The following TNFRSF19 variants were observed in gnomAD, a reference collection of about 807,000 sequenced individuals.
TNFRSF19 encodes the protein tumor necrosis factor receptor superfamily member 19.
In TNFRSF19, 27 loss-of-function variants were observed where a neutral mutation model predicts 46.4. That is an observed-to-expected ratio of 0.58 (90% confidence interval 0.43 to 0.80). The LOEUF is 0.80. Among genes scored for constraint, TNFRSF19 ranks in the 30% least tolerant of loss-of-function variants. TNFRSF19 has a pLI of 0.00. For synonymous variants in TNFRSF19, 204 were observed against 205.0 expected (o/e 1.00, Z 0.04); for missense variants, 511 against 530.8 (o/e 0.96, Z 0.37).
intron 5 of TNFRSF19, among the ~76,000 whole-genome samples, chr13:23,646,779 C>G (rs899994110): frequency 3.7e-4 from 57 of 152,244 alleles, no homozygotes; most frequent in African/African-American, 1.4e-3. Flanking sequence ...TTTTCCATTC[C>G]TTGGGGTATA....
At chr13:23,655,097 C>A (rs1028696624) in intron 5 of TNFRSF19, among the ~76,000 whole-genome samples, 1 of 152,290 alleles carries the variant, frequency 6.6e-6, no homozygotes, top group African/African-American at 2.4e-5. Flanking sequence ...TTGGTCTACT[C>A]CAAAGAAGTT....
chr13:23,664,145 T>C (rs1171071891), intron 7 of TNFRSF19, among the ~76,000 whole-genome samples: 1 of 152,242 alleles, frequency 6.6e-6, no homozygotes, highest in Non-Finnish European at 1.5e-5. Flanking sequence ...TTTAGTGCTA[T>C]GAATTCCCTC....
chr13:23,638,931 T>C (rs1882870748), intron 5 of TNFRSF19, among the ~76,000 whole-genome samples: 1 of 152,184 alleles, frequency 6.6e-6, no homozygotes, highest in African/African-American at 2.4e-5. Context: ...CACATGCACA[T>C]CATAGAGTGG....
At chr13:23,658,985 G>C in intron 5 of TNFRSF19, 65 bp from the exon 6 acceptor site, 1 of 1,605,338 alleles carries the variant, frequency 6.2e-7, no homozygotes, top group Non-Finnish European at 8.5e-7. Context: ...GTGCCTGCCA[G>C]CTTCGCCATA....
chr13:23,638,259 T>C (rs949582166), intron 5 of TNFRSF19, among the ~76,000 whole-genome samples: 2 of 152,162 alleles, frequency 1.3e-5, no homozygotes, highest in Admixed American at 6.5e-5. Flanking sequence ...GTAGGTAATC[T>C]GCTGCCATTG....
intron 5 of TNFRSF19, among the ~76,000 whole-genome samples, chr13:23,648,337 C>T (rs962075759): frequency 2.0e-5 from 3 of 151,962 alleles, no homozygotes; most frequent in Non-Finnish European, 2.9e-5. Flanking sequence ...ATATTTTAGT[C>T]TTTTTGATAT....
chr13:23,587,532 A>C (rs1219745637), intron 1 of TNFRSF19, among the ~76,000 whole-genome samples: 3 of 151,870 alleles, frequency 2.0e-5, no homozygotes, highest in Non-Finnish European at 4.4e-5. Context: ...TTGTTGAATA[A>C]ATAAATACAT....
At chr13:23,606,185 C>A (rs984502322) in intron 3 of TNFRSF19, among the ~76,000 whole-genome samples, 12 of 152,136 alleles carry the variant, frequency 7.9e-5, no homozygotes, top group Admixed American at 7.9e-4. Flanking sequence ...TGCTGTATTT[C>A]ATATTCCCAT....
intron 5 of TNFRSF19, among the ~76,000 whole-genome samples, chr13:23,644,354 C>T (rs1335214071): frequency 1.3e-5 from 2 of 152,128 alleles, no homozygotes; most frequent in South Asian, 2.1e-4. Flanking sequence ...TCCTTCATCC[C>T]GTTCTCATGA....
chr13:23,637,933 G>C (rs900548175), intron 5 of TNFRSF19, among the ~76,000 whole-genome samples: 1 of 152,254 alleles, frequency 6.6e-6, no homozygotes, highest in African/African-American at 2.4e-5. Context: ...CACTCAAAGG[G>C]TTAAGGAGAG....
intron 5 of TNFRSF19, among the ~76,000 whole-genome samples, chr13:23,656,494 A>G (rs1964161): frequency 0.23 from 34,962 of 152,168 alleles, 4,798 homozygotes; most frequent in Non-Finnish European, 0.31. Flanking sequence ...TACTACTTTA[A>G]CCCAAAATCC....
intron 7 of TNFRSF19, among the ~76,000 whole-genome samples, chr13:23,661,664 G>GTTA (rs1331551948): frequency 6.6e-6 from 1 of 152,190 alleles, no homozygotes; most frequent in Non-Finnish European, 1.5e-5. Flanking sequence ...CACCAACAGT[G>GTTA]TGTAAGCATT....
intron 1 of TNFRSF19, among the ~76,000 whole-genome samples, chr13:23,571,165 A>G (rs1267146900): frequency 6.6e-6 from 1 of 152,220 alleles, no homozygotes; most frequent in Non-Finnish European, 1.5e-5. Flanking sequence ...AACCCCTGAG[A>G]TCTGTGAGCT....
intron 5 of TNFRSF19, among the ~76,000 whole-genome samples, chr13:23,644,216 G>A (rs2138345393): frequency 6.6e-6 from 1 of 152,290 alleles, no homozygotes; most frequent in African/African-American, 2.4e-5. Context: ...AGCTGTACTG[G>A]TTTTGATGTG....
At chr13:23,636,607 T>C (rs1882700865) in intron 5 of TNFRSF19, among the ~76,000 whole-genome samples, 1 of 152,094 alleles carries the variant, frequency 6.6e-6, no homozygotes, top group South Asian at 2.1e-4. Context: ...TTATTTACAA[T>C]AAGGTGCTGA....
intron 4 of TNFRSF19, among the ~76,000 whole-genome samples, chr13:23,625,043 C>T (rs1013958963): frequency 4.6e-5 from 7 of 152,062 alleles, no homozygotes; most frequent in Non-Finnish European, 1.0e-4. Context: ...TGAGTCACTG[C>T]GCCTGGCCAC....
At chr13:23,625,821 C>T (rs566876367) in intron 4 of TNFRSF19, among the ~76,000 whole-genome samples, 2 of 152,238 alleles carry the variant, frequency 1.3e-5, no homozygotes, top group South Asian at 4.1e-4. Context: ...TACACTCACA[C>T]CAGCACTTGA....
intron 3 of TNFRSF19, among the ~76,000 whole-genome samples, chr13:23,595,894 G>A (rs1222074336): frequency 1.3e-5 from 2 of 152,148 alleles, no homozygotes; most frequent in Non-Finnish European, 2.9e-5. Flanking sequence ...GAAACCCATC[G>A]GACTAACAGT....
At chr13:23,643,187 G>A (rs1202094948) in intron 5 of TNFRSF19, among the ~76,000 whole-genome samples, 2 of 152,206 alleles carry the variant, frequency 1.3e-5, no homozygotes, top group Admixed American at 6.5e-5. Context: ...TTTTCCAAGA[G>A]CAGAGATAAA....
Sources: gnomAD v4.1 joint callset for allele counts (sites outside exome capture counted in the v4.1 genomes callset) on GRCh38, gnomAD v4.1.1 for gene constraint, MANE v1.5 for transcripts, NCBI Gene and HGNC (gene_info 2026-07-23, HGNC 2026-07-21) for gene names.